The following FTO variants were observed in gnomAD, a reference collection of about 807,000 sequenced individuals.
FTO encodes the protein FTO alpha-ketoglutarate dependent dioxygenase.
A neutral mutation model predicts 63.9 loss-of-function variants in FTO; 47 were observed. That is an observed-to-expected ratio of 0.74 (90% CI 0.58 to 0.94). The LOEUF (loss-of-function observed/expected upper bound fraction) is 0.94, where lower values mean the gene tolerates loss of function less well. Among genes scored for constraint, FTO ranks in the 40% least tolerant of loss-of-function variants. The pLI, the probability that FTO is intolerant of heterozygous loss-of-function variation, is 0.00. For synonymous variants in FTO, 207 were observed against 224.4 expected (o/e 0.92, Z 0.69); for missense variants, 562 against 618.1 (o/e 0.91, Z 0.96).
chr16:53,902,474 C>T (rs543070840), intron 7 of FTO, among the ~76,000 whole-genome samples: 9 of 152,280 alleles, frequency 5.9e-5, no homozygotes, highest in South Asian at 4.1e-4. Flanking sequence ...CTGATGCATT[C>T]GCCAACTTTC....
intron 7 of FTO, among the ~76,000 whole-genome samples, chr16:53,890,731 C>T (rs780516522): frequency 9.2e-5 from 14 of 152,298 alleles, no homozygotes; most frequent in South Asian, 6.2e-4. Context: ...GTGCCTAAAT[C>T]TCCTTAGTCA....
chr16:53,717,809 T>G (rs2075930911), intron 1 of FTO, among the ~76,000 whole-genome samples: 1 of 152,154 alleles, frequency 6.6e-6, no homozygotes, highest in South Asian at 2.1e-4. Context: ...TTGACTTATC[T>G]TTTACGTACT....
intron 8 of FTO, among the ~76,000 whole-genome samples, chr16:54,100,355 G>A (rs1444592844): frequency 3.9e-5 from 6 of 152,036 alleles, no homozygotes; most frequent in Admixed American, 2.0e-4. Context: ...TGGGGTTTTT[G>A]TTTGTTTGTT....
At chr16:53,861,088 T>C (rs146604690) in intron 4 of FTO, among the ~76,000 whole-genome samples, 3 of 152,326 alleles carry the variant, frequency 2.0e-5, no homozygotes, top group African/African-American at 7.2e-5. Context: ...TCTTCTACTT[T>C]GGTTATTCAA....
intron 8 of FTO, among the ~76,000 whole-genome samples, chr16:53,960,009 C>T (rs1028050051): frequency 6.6e-6 from 1 of 152,052 alleles, no homozygotes; most frequent in African/African-American, 2.4e-5. Context: ...GGTTGAACAG[C>T]CTTGAAAATG....
At chr16:53,943,813 T>C (rs2143417913) in intron 8 of FTO, among the ~76,000 whole-genome samples, 1 of 152,322 alleles carries the variant, frequency 6.6e-6, no homozygotes, top group East Asian at 1.9e-4. Flanking sequence ...CAGTGGGTCA[T>C]ATTTGGGAAG....
At chr16:53,926,819 GT>G (rs1038686915) in intron 7 of FTO, among the ~76,000 whole-genome samples, 15 of 150,656 alleles carry the variant, frequency 1.0e-4, no homozygotes, top group African/African-American at 1.2e-4. Context: ...TATCAAAAGG[GT>G]TTTTTTTTTC....
intron 7 of FTO, among the ~76,000 whole-genome samples, chr16:53,896,508 G>A (rs751463023): frequency 4.6e-5 from 7 of 152,016 alleles, no homozygotes; most frequent in South Asian, 2.1e-4. Flanking sequence ...AAAGGATGTC[G>A]TGCCATTTAT....
At chr16:53,930,221 CTTTTTTTTTTTTT>C (rs1014205147) in intron 7 of FTO, among the ~76,000 whole-genome samples, 1 of 75,692 alleles carries the variant, frequency 1.3e-5, no homozygotes, top group Non-Finnish European at 2.5e-5. Context: ...TGATTATCTT[CTTTTTTTTTTTTT>C]TTTTTTTTTT....
chr16:53,859,827 C>T (rs943949027), intron 4 of FTO, among the ~76,000 whole-genome samples: 13 of 152,154 alleles, frequency 8.5e-5, no homozygotes, highest in African/African-American at 2.9e-4. Flanking sequence ...AACCCTTGTA[C>T]ACCATTGGTG....
rs560090271 is a variant in FTO at position 54,049,611 on chromosome 16, T to G, written c.1365-62151T>G. On this transcript the variant is annotated intron_variant, in intron 8 of 8. Coordinates refer to ENST00000471389, the MANE Select transcript of FTO (RefSeq NM_001080432.3). ...GGAAATACCAGATGAAATGAAATACTTGTCTTTGTATCTTTGCATTTAACT... is the reference window on the plus strand; with the variant it reads ...GGAAATACCAGATGAAATGAAATACGTGTCTTTGTATCTTTGCATTTAACT... 2.0e-5 allele frequency among the ~76,000 whole-genome samples: 3 copies of G among 152,334 alleles called. No individual in the cohort carries two copies. In the East Asian group the frequency reaches 5.8e-4, roughly 29 times the overall value.
chr16:53,883,646 A>AAAAAC lies in FTO; in HGVS notation c.1119+3662_1119+3663insACAAA, dbSNP rs1555489016. On this transcript the variant is annotated intron_variant, in intron 6 of 8. Coordinates refer to ENST00000471389, the MANE Select transcript of FTO (RefSeq NM_001080432.3). ...TCAAAAAAAAAAAAACAAAAAAAAA[A>AAAAAC]AAACAAATTTGTCTGCTTCAGAAAG... Among the ~76,000 whole-genome samples, 663 of 135,582 alleles carry AAAAAC rather than the reference A, an allele frequency of 4.9e-3. 3 individuals carry two copies. The highest frequency in any genetic ancestry group is 0.011 in the South Asian group (46 of 4,164). The allele number at this position is 135,582 out of a possible 152,430, so 88.9% of individuals were successfully genotyped here.
At chr16:53,803,408 T>A (rs1289011923) in intron 1 of FTO, among the ~76,000 whole-genome samples, 3 of 152,222 alleles carry the variant, frequency 2.0e-5, no homozygotes. Flanking sequence ...AGAACAAGAC[T>A]TGCTAAGTAT....
intron 1 of FTO, among the ~76,000 whole-genome samples, chr16:53,782,645 T>A (rs2077617574): frequency 6.6e-6 from 1 of 152,212 alleles, no homozygotes; most frequent in South Asian, 2.1e-4. Context: ...TTGTCCAAGG[T>A]CATTCAACTG....
At chr16:54,037,136 G>T (rs996852665) in intron 8 of FTO, among the ~76,000 whole-genome samples, 1 of 152,186 alleles carries the variant, frequency 6.6e-6, no homozygotes, top group African/African-American at 2.4e-5. Context: ...CTCAATTCCA[G>T]ATTCCCAGGG....
At chr16:54,023,803 G>T (rs571671721) in intron 8 of FTO, among the ~76,000 whole-genome samples, 1 of 152,060 alleles carries the variant, frequency 6.6e-6, no homozygotes, top group Non-Finnish European at 1.5e-5. Context: ...CTTCACCATG[G>T]TCCCACTCTC....
intron 6 of FTO, among the ~76,000 whole-genome samples, chr16:53,887,453 G>A (rs528878143): frequency 1.3e-5 from 2 of 152,258 alleles, no homozygotes; most frequent in East Asian, 3.9e-4. Flanking sequence ...GCTGTTTGGG[G>A]GAAGGGATGG....
intron 7 of FTO, among the ~76,000 whole-genome samples, chr16:53,922,145 A>G (rs1164676405): frequency 2.0e-5 from 3 of 152,142 alleles, no homozygotes; most frequent in Admixed American, 6.5e-5. Flanking sequence ...GAGATCTTGG[A>G]TTGTGTCTTC....
At chr16:53,922,262 A>G (rs1287221307) in intron 7 of FTO, among the ~76,000 whole-genome samples, 1 of 152,034 alleles carries the variant, frequency 6.6e-6, no homozygotes, top group Non-Finnish European at 1.5e-5. Context: ...TGGGTTGCTC[A>G]TCCTGAAAAG....
Sources: gnomAD v4.1 joint callset for allele counts (sites outside exome capture counted in the v4.1 genomes callset) on GRCh38, gnomAD v4.1.1 for gene constraint, MANE v1.5 for transcripts, NCBI Gene and HGNC (gene_info 2026-07-23, HGNC 2026-07-21) for gene names.